Variants in DOK5 observed in about 807,000 individuals in gnomAD.
The protein encoded by DOK5 is downstream of tyrosine kinase 5.
In DOK5, 27 loss-of-function variants were observed where a neutral mutation model predicts 43.3. That is an observed-to-expected ratio of 0.62 (90% CI 0.46 to 0.86). DOK5 has a LOEUF of 0.86. Ranked by LOEUF, DOK5 falls within the 40% of genes least tolerant of loss-of-function variation. The pLI is 0.00. For missense variants in DOK5, 373 were observed against 392.9 expected, an observed-to-expected ratio of 0.95 and a Z score of 0.43; for synonymous variants, 146 against 140.1, an observed-to-expected ratio of 1.04 and a Z score of -0.30.
chr20:54,593,951 A>C (rs772201873), intron 5 of DOK5, among the ~76,000 whole-genome samples: 87 of 152,300 alleles, frequency 5.7e-4, no homozygotes, highest in Non-Finnish European at 9.0e-4. Flanking sequence ...TCATGAGAAC[A>C]TATGGATACA....
At position 54,610,526 on chromosome 20, in the gene DOK5, A is replaced by G; in HGVS notation, c.735+3A>G. 6.7e-7 allele frequency: 1 copy of G among 1,491,820 alleles called. No individual in the cohort carries two copies. The highest frequency in any genetic ancestry group is 9.0e-7 in the Non-Finnish European group (1 of 1,116,616). 92.4% of individuals were successfully genotyped at this position (1,491,820 alleles called of 1,614,324 possible). ...TACAGAGTGTGAAAAACTCGATGGT[A>G]CGTTTGGAATTTCTTCCTCGTGTCC... On this transcript the variant is annotated splice_donor_region_variant and intron_variant, in intron 6 of 7. Coordinates refer to ENST00000262593, the MANE Select transcript of DOK5 (RefSeq NM_018431.5).
chr20:54,643,239 C>T (rs1043723592), intron 6 of DOK5, among the ~76,000 whole-genome samples: 10 of 152,186 alleles, frequency 6.6e-5, no homozygotes, highest in African/African-American at 2.2e-4. Context: ...CCCAAAGGAA[C>T]GTCATCAAGG....
At chr20:54,641,090 C>T (rs1377236605) in intron 6 of DOK5, among the ~76,000 whole-genome samples, 1 of 152,126 alleles carries the variant, frequency 6.6e-6, no homozygotes, top group African/African-American at 2.4e-5. Context: ...ATTAAAAATA[C>T]ATTTTAAAAA....
At chr20:54,515,774 C>A (rs528284133) in intron 1 of DOK5, among the ~76,000 whole-genome samples, 1 of 152,158 alleles carries the variant, frequency 6.6e-6, no homozygotes, top group Non-Finnish European at 1.5e-5. Flanking sequence ...AAAGAGAGTA[C>A]GCAAAGATGG....
intron 1 of DOK5, among the ~76,000 whole-genome samples, chr20:54,518,682 TC>T (rs1983287325): frequency 6.6e-6 from 1 of 152,138 alleles, no homozygotes; most frequent in Non-Finnish European, 1.5e-5. Context: ...TAGTTCTAGA[TC>T]CCTGAGGAAT....
At chr20:54,500,840 C>T (rs776545582) in intron 1 of DOK5, among the ~76,000 whole-genome samples, 2 of 151,994 alleles carry the variant, frequency 1.3e-5, no homozygotes, top group Admixed American at 1.3e-4. Flanking sequence ...GGATTACAGG[C>T]GTGAGCCAAC....
intron 1 of DOK5, among the ~76,000 whole-genome samples, chr20:54,529,985 G>A (rs1736119671): frequency 2.0e-5 from 3 of 152,218 alleles, no homozygotes; most frequent in South Asian, 2.1e-4. Context: ...TATACATTTG[G>A]GTTTGTTAAA....
chr20:54,487,360 G>A (rs1981978039), intron 1 of DOK5, among the ~76,000 whole-genome samples: 1 of 151,986 alleles, frequency 6.6e-6, no homozygotes, highest in Non-Finnish European at 1.5e-5. Context: ...TTTATATTAT[G>A]TTAAATTTGA....
chr20:54,536,622 A>T (rs6023348), intron 1 of DOK5, among the ~76,000 whole-genome samples: 9 of 152,292 alleles, frequency 5.9e-5, no homozygotes, highest in African/African-American at 2.2e-4. Context: ...CACACAAAAA[A>T]AAGTCCCAGC....
At chr20:54,517,013 C>T (rs552881201) in intron 1 of DOK5, among the ~76,000 whole-genome samples, 61 of 152,280 alleles carry the variant, frequency 4.0e-4, no homozygotes, top group African/African-American at 1.2e-3. Flanking sequence ...CAACATATCT[C>T]GGGTTGATGT....
At chr20:54,564,635 A>G (rs1191458607) in intron 2 of DOK5, among the ~76,000 whole-genome samples, 1 of 152,184 alleles carries the variant, frequency 6.6e-6, no homozygotes, top group Non-Finnish European at 1.5e-5. Context: ...GAGAAAAAAA[A>G]TACATATACC....
intron 2 of DOK5, among the ~76,000 whole-genome samples, chr20:54,564,426 G>A (rs977805984): frequency 2.1e-5 from 3 of 146,152 alleles, no homozygotes; most frequent in Admixed American, 6.6e-5. Flanking sequence ...GCAAGACTCC[G>A]TCAAAAAAAA....
chr20:54,577,426 G>C (rs1262408537), intron 2 of DOK5, among the ~76,000 whole-genome samples: 8 of 152,086 alleles, frequency 5.3e-5, no homozygotes, highest in African/African-American at 1.9e-4. Flanking sequence ...GATTTCCTTT[G>C]AAAATTAAAA....
intron 1 of DOK5, among the ~76,000 whole-genome samples, chr20:54,505,874 G>A (rs1346783795): frequency 3.3e-5 from 5 of 152,170 alleles, no homozygotes; most frequent in East Asian, 3.9e-4. Context: ...CTCAAAGCCC[G>A]CTGGGTGGTG....
chr20:54,607,297 C>T (rs1392556750), intron 5 of DOK5, among the ~76,000 whole-genome samples: 1 of 152,152 alleles, frequency 6.6e-6, no homozygotes, highest in African/African-American at 2.4e-5. Context: ...GCTACCTCTA[C>T]CCTAGGTCAT....
At chr20:54,487,596 C>A (rs1271178463) in intron 1 of DOK5, among the ~76,000 whole-genome samples, 1 of 152,076 alleles carries the variant, frequency 6.6e-6, no homozygotes, top group African/African-American at 2.4e-5. Context: ...AACTGCAGAC[C>A]AGTGTACTTA....
chr20:54,520,514 C>G (rs965611372), intron 1 of DOK5, among the ~76,000 whole-genome samples: 1 of 152,166 alleles, frequency 6.6e-6, no homozygotes, highest in East Asian at 1.9e-4. Flanking sequence ...TAAGGTGGCT[C>G]ATACCCATAA....
chr20:54,495,304 G>T (rs1422386212), intron 1 of DOK5: 1 of 152,104 alleles, frequency 6.6e-6, no homozygotes, highest in Admixed American at 6.5e-5. Context: ...CCTAATAGCA[G>T]CTCTTCCTGA....
intron 6 of DOK5, among the ~76,000 whole-genome samples, chr20:54,625,144 A>T (rs1987096638): frequency 6.6e-6 from 1 of 152,204 alleles, no homozygotes; most frequent in Non-Finnish European, 1.5e-5. Flanking sequence ...AAAAGAGAGG[A>T]CTTGGAGAAA....
Sources: gnomAD v4.1 joint callset for allele counts (sites outside exome capture counted in the v4.1 genomes callset) on GRCh38, gnomAD v4.1.1 for gene constraint, MANE v1.5 for transcripts, NCBI Gene and HGNC (gene_info 2026-07-23, HGNC 2026-07-21) for gene names.